Variants in VGLL4 observed in about 807,000 individuals in gnomAD.
VGLL4 encodes the protein transcription cofactor vestigial-like protein 4.
VGLL4 carries 7 observed loss-of-function variants against 21.0 expected under a neutral mutation model. That is an observed-to-expected ratio of 0.33 (90% CI 0.19 to 0.63). The LOEUF is 0.63. Among genes scored for constraint, VGLL4 ranks in the 20% least tolerant of loss-of-function variants. The pLI is 0.78. For missense variants in VGLL4, 394 were observed against 425.7 expected (o/e 0.93, Z 0.66); for synonymous variants, 222 against 173.2 (o/e 1.28, Z -2.21).
intron 2 of VGLL4, among the ~76,000 whole-genome samples, chr3:11,575,049 C>A (rs2073995899): frequency 6.6e-6 from 1 of 152,150 alleles, no homozygotes; most frequent in African/African-American, 2.4e-5. Flanking sequence ...CTCTCTTCTT[C>A]AACGCTCGTG....
chr3:11,590,337 G>A (rs2074457662), intron 2 of VGLL4, among the ~76,000 whole-genome samples: 1 of 152,182 alleles, frequency 6.6e-6, no homozygotes, highest in African/African-American at 2.4e-5. Flanking sequence ...GACGTAATAG[G>A]AGTTGGTTTG....
intron 2 of VGLL4, 60 bp downstream of exon 2, chr3:11,601,773 A>C: frequency 6.3e-7 from 1 of 1,578,768 alleles, no homozygotes; most frequent in Non-Finnish European, 8.6e-7. Context: ...CAAAGTTGCA[A>C]AACAAATAAG....
At chr3:11,685,825 T>C (rs1385114281) in intron 2 of VGLL4, among the ~76,000 whole-genome samples, 1 of 152,040 alleles carries the variant, frequency 6.6e-6, no homozygotes, top group African/African-American at 2.4e-5. Context: ...GCACTCTAGC[T>C]TGGGTGACAG....
At chr3:11,704,899 G>A (rs759716453) in intron 1 of VGLL4, among the ~76,000 whole-genome samples, 2 of 152,206 alleles carry the variant, frequency 1.3e-5, no homozygotes, top group Non-Finnish European at 2.9e-5. Context: ...GATGAATTCT[G>A]AAAGGCTTTG....
At chr3:11,662,186 G>A (rs906333109) in intron 2 of VGLL4, among the ~76,000 whole-genome samples, 1 of 152,184 alleles carries the variant, frequency 6.6e-6, no homozygotes, top group Non-Finnish European at 1.5e-5. Flanking sequence ...AAAACCCCAA[G>A]AGAAATGAAG....
Position 11,601,929 on chromosome 3 carries a change from G to A in VGLL4, c.176C>T (p.Pro59Leu), listed in dbSNP as rs750503637. ...CTCCATGCTGAACTTCCTCTTGCTG[G>A]GGCTGATTGGGGGAGGGCCGGTGCG... is the stretch of plus-strand genomic sequence containing the variant. ...SHRTGPPPISPSKRKFSMEPG... is the reference protein window; with the variant it reads ...SHRTGPPPISLSKRKFSMEPG... The change falls in exon 2 of 5, where the codon CCC (proline) becomes CTC (leucine). Residue 59 changes from proline (P) to leucine (L), a missense_variant. Pro to Leu is a moderately conservative substitution (Grantham distance 98). Transcript: ENST00000430365. 1.2e-6 allele frequency: 2 copies of A among 1,613,650 alleles called. No individual in the cohort carries two copies. The highest frequency in any genetic ancestry group is 1.7e-6 in the Non-Finnish European group (2 of 1,179,822).
intron 1 of VGLL4, among the ~76,000 whole-genome samples, chr3:11,624,841 C>T (rs573788152): frequency 6.6e-6 from 1 of 152,060 alleles, no homozygotes; most frequent in African/African-American, 2.4e-5. Context: ...CAACTTGATC[C>T]GAAGGAACAC....
intron 2 of VGLL4, among the ~76,000 whole-genome samples, chr3:11,576,557 C>G (rs2074051494): frequency 6.6e-6 from 1 of 152,222 alleles, no homozygotes; most frequent in African/African-American, 2.4e-5. Context: ...TGCACAGCAG[C>G]AGAGGCATCA....
chr3:11,606,909 T>C (rs2074956923), intron 1 of VGLL4, among the ~76,000 whole-genome samples: 1 of 152,110 alleles, frequency 6.6e-6, no homozygotes, highest in African/African-American at 2.4e-5. Flanking sequence ...CGTGCCACCT[T>C]TAAGAGCTGT....
In VGLL4 at chr3:11,643,890, G is replaced by C; in HGVS notation, c.-372C>G. 9.7e-7 allele frequency: 1 copy of C among 1,028,298 alleles called. No homozygotes were observed. The highest frequency in any genetic ancestry group is 3.6e-5 in the South Asian group (1 of 27,842). 63.7% of individuals were successfully genotyped at this position (1,028,298 alleles called of 1,614,324 possible). The stretch of plus-strand genomic sequence containing the variant: ...CGGCCCCTCTCACAGCCCGCTGCAA[G>C]CCGGCAGCGCTGACATGAGGGCTAT... On this transcript the variant is annotated 5_prime_UTR_variant, in exon 1 of 5. Coordinates refer to ENST00000430365, the MANE Select transcript of VGLL4 (RefSeq NM_001128219.3).
rs527450957 is a variant in VGLL4, at chr3:11,605,040, C to T, written c.83-3018G>A. Reference sequence around the variant, plus strand: ...CCGCAGGGCTGCTTTCCATCGCCCGCCACGCCCCCGCCCACCCCCAATCCT... The same window carrying T: ...CCGCAGGGCTGCTTTCCATCGCCCGTCACGCCCCCGCCCACCCCCAATCCT... On this transcript the variant is annotated intron_variant, in intron 1 of 4. Coordinates refer to ENST00000430365, the MANE Select transcript of VGLL4 (RefSeq NM_001128219.3). Among the ~76,000 whole-genome samples the T allele has an allele frequency of 1.3e-3, 147 of 110,008 alleles. 11 individuals are homozygous for T. The highest frequency in any genetic ancestry group is 4.6e-3 in the African/African-American group (138 of 29,884). The allele number at this position is 110,008 out of a possible 152,430, so 72.2% of individuals were successfully genotyped here.
At chr3:11,593,387 A>C (rs970929667) in intron 2 of VGLL4, among the ~76,000 whole-genome samples, 2 of 152,186 alleles carry the variant, frequency 1.3e-5, no homozygotes, top group Admixed American at 6.5e-5. Flanking sequence ...GAAAACCCCC[A>C]ATCCCATTTT....
At chr3:11,645,573 C>T (rs558484686), upstream of VGLL4, among the ~76,000 whole-genome samples, 3 of 85,190 alleles carry the variant, frequency 3.5e-5, 1 homozygote, top group African/African-American at 1.4e-4. Context: ...GTCCGCAGTC[C>T]GGCCTGGGCG....
At chr3:11,665,250 A>C (rs968610488) in intron 2 of VGLL4, among the ~76,000 whole-genome samples, 15 of 151,124 alleles carry the variant, frequency 9.9e-5, no homozygotes, top group Non-Finnish European at 1.6e-4. Flanking sequence ...AGTAGCTGGG[A>C]CTACAGGCGC....
At chr3:11,604,264 G>GCGCCCCCCCCCC (rs1575442679) in intron 1 of VGLL4, 5 of 571,008 alleles carry the variant, frequency 8.8e-6, no homozygotes, top group African/African-American at 7.8e-5. Context: ...AGCCCAGGAA[G>GCGCCCCCCCCCC]CACGGTTTGC....
At chr3:11,637,246 A>T (rs2075606282) in intron 1 of VGLL4, among the ~76,000 whole-genome samples, 1 of 152,228 alleles carries the variant, frequency 6.6e-6, no homozygotes. Context: ...TTCTCTAACC[A>T]TAAAATACAC....
chr3:11,617,221 G>A (rs1456077564), intron 1 of VGLL4, among the ~76,000 whole-genome samples: 3 of 152,158 alleles, frequency 2.0e-5, no homozygotes, highest in Admixed American at 6.5e-5. Flanking sequence ...TTCCAGGCAG[G>A]TACAAGAGTA....
At chr3:11,701,456 C>T (rs1400546658) in intron 2 of VGLL4, among the ~76,000 whole-genome samples, 1 of 152,134 alleles carries the variant, frequency 6.6e-6, no homozygotes, top group Non-Finnish European at 1.5e-5. Flanking sequence ...TCCTTTACAA[C>T]AATGTAAATG....
At chr3:11,596,495 C>T (rs2074644942) in intron 2 of VGLL4, among the ~76,000 whole-genome samples, 1 of 152,182 alleles carries the variant, frequency 6.6e-6, no homozygotes, top group South Asian at 2.1e-4. Flanking sequence ...GTAGTTCTTA[C>T]TGGTGAACCA....
Sources: allele counts gnomAD v4.1 joint callset (sites outside exome capture counted in the v4.1 genomes callset), GRCh38; gene constraint gnomAD v4.1.1; transcripts MANE v1.5; gene names NCBI Gene and HGNC (gene_info 2026-07-23, HGNC 2026-07-21).